Variants in APBA2 observed in about 807,000 individuals in gnomAD.
The protein encoded by APBA2 is amyloid beta precursor protein binding family A member 2, also known as amyloid-beta A4 precursor protein-binding family A member 2.
Under a neutral mutation model 75.0 loss-of-function variants are expected in APBA2, and 30 were observed. The observed-to-expected ratio is 0.40, with a 90% CI of 0.30 to 0.54. The LOEUF (loss-of-function observed/expected upper bound fraction) is 0.54, where lower values mean the gene tolerates loss of function less well. Ranked by LOEUF, APBA2 falls within the 20% of genes least tolerant of loss-of-function variation. The pLI, the probability that APBA2 is intolerant of heterozygous loss-of-function variation, is 0.49. For missense variants in APBA2, 801 were observed against 1,016.1 expected, an observed-to-expected ratio of 0.79 and a Z score of 2.88; for synonymous variants, 444 against 409.6, an observed-to-expected ratio of 1.08 and a Z score of -1.01.
chr15:28,982,198 G>A (rs756223834), intron 2 of APBA2, among the ~76,000 whole-genome samples: 1 of 152,086 alleles, frequency 6.6e-6, no homozygotes, highest in Non-Finnish European at 1.5e-5. Flanking sequence ...GGCCTTCCCC[G>A]CCCCCCACAC....
chr15:28,900,373 C>G (rs1247373053), intron 1 of APBA2, among the ~76,000 whole-genome samples: 3 of 152,202 alleles, frequency 2.0e-5, no homozygotes, highest in Non-Finnish European at 4.4e-5. Flanking sequence ...CTTGTGCCCT[C>G]TCGGGCTCTG....
intron 1 of APBA2, among the ~76,000 whole-genome samples, chr15:28,891,025 T>A (rs1032040651): frequency 6.6e-6 from 1 of 152,268 alleles, no homozygotes; most frequent in South Asian, 2.1e-4. Context: ...AAAAAAAATA[T>A]GTGGTTGAAC....
intron 3 of APBA2, among the ~76,000 whole-genome samples, chr15:29,017,787 C>T (rs144093467): frequency 7.9e-5 from 12 of 152,250 alleles, no homozygotes; most frequent in East Asian, 3.9e-4. Context: ...TCTATTCTTT[C>T]GTCATTTCTT....
At chr15:29,025,768 G>A (rs929369690) in intron 3 of APBA2, among the ~76,000 whole-genome samples, 2 of 151,916 alleles carry the variant, frequency 1.3e-5, no homozygotes, top group Non-Finnish European at 2.9e-5. Context: ...GCTGGCCACC[G>A]TGGTGAAACC....
intron 3 of APBA2, among the ~76,000 whole-genome samples, chr15:29,018,057 G>C (rs1328034684): frequency 1.3e-5 from 2 of 152,142 alleles, no homozygotes; most frequent in Admixed American, 6.6e-5. Flanking sequence ...CTGCAACGTG[G>C]CTGCACATTA....
At chr15:29,074,781 A>T in intron 4 of APBA2, 140 bp from the exon 5 acceptor site, 1 of 709,220 alleles carries the variant, frequency 1.4e-6, no homozygotes, top group Non-Finnish European at 2.5e-6. Flanking sequence ...GTATAATTAA[A>T]TAGACGTCTG....
Position 28,886,145 on chromosome 15 carries a change from C to G in APBA2, c.-338C>G, listed in dbSNP as rs2031699472. The stretch of plus-strand genomic sequence containing the variant: ...GCCCGCCGCTATTCGGGAAGCTATT[C>G]AGCTTCCCGGGCTCATTAGCAGTCG... On this transcript the variant is annotated 5_prime_UTR_variant, in exon 1 of 15. The change creates a premature stop within an existing upstream ORF in the 5' untranslated region. Coordinates refer to ENST00000683413, the MANE Select transcript of APBA2 (RefSeq NM_001353788.2). The G allele has an allele frequency of 6.6e-6, 1 of 150,582 alleles. No homozygotes were observed. 9.3% of individuals were successfully genotyped at this position (150,582 alleles called of 1,614,324 possible).
intron 3 of APBA2, among the ~76,000 whole-genome samples, chr15:29,016,611 C>G (rs1292615477): frequency 6.6e-6 from 1 of 152,146 alleles, no homozygotes; most frequent in Non-Finnish European, 1.5e-5. Context: ...CAGGGGAAAA[C>G]TGGGAATAGC....
intron 1 of APBA2, among the ~76,000 whole-genome samples, chr15:28,893,573 A>G (rs1174571174): frequency 6.6e-6 from 1 of 152,206 alleles, no homozygotes; most frequent in Admixed American, 6.5e-5. Context: ...TTCCTGACCC[A>G]CAGCTCCTAG....
intron 2 of APBA2, among the ~76,000 whole-genome samples, chr15:28,965,897 GT>G (rs907667915): frequency 6.6e-6 from 1 of 152,094 alleles, no homozygotes; most frequent in African/African-American, 2.4e-5. Context: ...GGTATGTCGT[GT>G]TGTCATTTTA....
At chr15:29,053,599 C>T (rs569687737) in intron 3 of APBA2, among the ~76,000 whole-genome samples, 1 of 152,094 alleles carries the variant, frequency 6.6e-6, no homozygotes, top group Non-Finnish European at 1.5e-5. Flanking sequence ...CGTGTGTCCT[C>T]GTGAGTTGCC....
intron 3 of APBA2, among the ~76,000 whole-genome samples, chr15:29,003,244 A>G (rs1044761875): frequency 1.3e-5 from 2 of 152,122 alleles, no homozygotes; most frequent in African/African-American, 4.8e-5. Context: ...CTCTACAGAG[A>G]GATGACCAGG....
intron 10 of APBA2, 155 bp downstream of exon 10, chr15:29,101,939 G>T (rs1388433898): frequency 3.9e-6 from 3 of 778,370 alleles, no homozygotes; most frequent in Non-Finnish European, 6.6e-6. Context: ...TACTCTTTGG[G>T]TTTGCAAAGA....
At chr15:29,016,296 TC>T (rs1332186889) in intron 3 of APBA2, among the ~76,000 whole-genome samples, 3 of 152,158 alleles carry the variant, frequency 2.0e-5, no homozygotes, top group Non-Finnish European at 4.4e-5. Context: ...CATATCTACC[TC>T]TGGTCAACAC....
chr15:29,080,379 T>C (rs2043034827), intron 6 of APBA2, among the ~76,000 whole-genome samples: 1 of 152,108 alleles, frequency 6.6e-6, no homozygotes, highest in Non-Finnish European at 1.5e-5. Flanking sequence ...AGACCTACCA[T>C]GCAGGTGCCA....
chr15:28,993,048 T>C (rs1595673372), intron 2 of APBA2, among the ~76,000 whole-genome samples: 1 of 152,266 alleles, frequency 6.6e-6, no homozygotes, highest in Non-Finnish European at 1.5e-5. Context: ...GATGGAGTGA[T>C]GTGCTTGGCA....
chr15:28,927,861 G>C (rs2034356485), intron 2 of APBA2, among the ~76,000 whole-genome samples: 1 of 151,648 alleles, frequency 6.6e-6, no homozygotes, highest in African/African-American at 2.4e-5. Context: ...GGTTCCTTTT[G>C]GGCTGGGCGC....
intron 4 of APBA2, among the ~76,000 whole-genome samples, chr15:29,055,518 A>T (rs2041843686): frequency 6.6e-6 from 1 of 152,202 alleles, no homozygotes. Context: ...CCACCTTCCA[A>T]AAAAAGCCTC....
chr15:29,113,245 T>G (rs2044838314), intron 13 of APBA2, among the ~76,000 whole-genome samples: 1 of 151,878 alleles, frequency 6.6e-6, no homozygotes, highest in African/African-American at 2.4e-5. Context: ...TAGGCTGGAA[T>G]GGAAGCCCCC....
Sources: allele counts gnomAD v4.1 joint callset (sites outside exome capture counted in the v4.1 genomes callset), GRCh38; gene constraint gnomAD v4.1.1; transcripts MANE v1.5; gene names NCBI Gene and HGNC (gene_info 2026-07-23, HGNC 2026-07-21).